The following EXOC6B variants were observed in gnomAD, a reference collection of about 807,000 sequenced individuals.
EXOC6B encodes the protein SEC15 homolog B.
In EXOC6B, 54 loss-of-function variants were observed where a neutral mutation model predicts 113.5. The observed-to-expected ratio is 0.48, with a 90% CI of 0.38 to 0.60. The LOEUF is 0.60. Among genes scored for constraint, EXOC6B ranks in the 20% least tolerant of loss-of-function variants. The pLI, the probability that EXOC6B is intolerant of heterozygous loss-of-function variation, is 0.00. For missense variants in EXOC6B, 797 were observed against 977.5 expected (o/e 0.82, Z 2.46); for synonymous variants, 357 against 339.0 (o/e 1.05, Z -0.58).
At chr2:72,386,667 G>A (rs1692048125) in intron 18 of EXOC6B, among the ~76,000 whole-genome samples, 1 of 152,184 alleles carries the variant, frequency 6.6e-6, no homozygotes, top group South Asian at 2.1e-4. Flanking sequence ...TGTGTTAAGT[G>A]TGTGGGTGCA....
chr2:72,672,650 T>C (rs781707199), intron 6 of EXOC6B, among the ~76,000 whole-genome samples: 35 of 151,912 alleles, frequency 2.3e-4, no homozygotes, highest in Non-Finnish European at 4.4e-4. Flanking sequence ...TCCTGTCAGA[T>C]GCAGCTACAT....
intron 18 of EXOC6B, among the ~76,000 whole-genome samples, chr2:72,406,187 A>C (rs1270580095): frequency 6.6e-6 from 1 of 152,208 alleles, no homozygotes; most frequent in African/African-American, 2.4e-5. Flanking sequence ...ATACAGGAGC[A>C]CCCAGATTCA....
intron 20 of EXOC6B, among the ~76,000 whole-genome samples, chr2:72,231,150 A>G (rs1681595972): frequency 6.6e-6 from 1 of 152,174 alleles, no homozygotes; most frequent in Non-Finnish European, 1.5e-5. Flanking sequence ...ACCCATGAAT[A>G]TAGGCATATA....
intron 18 of EXOC6B, among the ~76,000 whole-genome samples, chr2:72,438,480 G>A (rs1696013982): frequency 6.6e-6 from 1 of 152,144 alleles, no homozygotes. Context: ...GTCGTGGCAT[G>A]TGCCTGTAGA....
chr2:72,183,368 TA>T (rs2104219503), intron 21 of EXOC6B, among the ~76,000 whole-genome samples: 1 of 152,316 alleles, frequency 6.6e-6, no homozygotes, highest in East Asian at 1.9e-4. Context: ...CTGTAATACA[TA>T]GCATTTCCCA....
At chr2:72,800,089 T>A (rs1189436151) in intron 1 of EXOC6B, among the ~76,000 whole-genome samples, 5 of 152,014 alleles carry the variant, frequency 3.3e-5, no homozygotes, top group African/African-American at 1.2e-4. Flanking sequence ...ACACAGGCAT[T>A]AAAAATTGCC....
intron 1 of EXOC6B, among the ~76,000 whole-genome samples, chr2:72,779,517 G>A (rs1213143909): frequency 1.3e-5 from 2 of 152,104 alleles, no homozygotes; most frequent in East Asian, 3.9e-4. Flanking sequence ...GAATAGTTTT[G>A]CTCCGCTTTA....
At chr2:72,394,016 G>A (rs933761632) in intron 18 of EXOC6B, among the ~76,000 whole-genome samples, 3 of 152,064 alleles carry the variant, frequency 2.0e-5, no homozygotes, top group African/African-American at 7.2e-5. Context: ...TTTAACCTTT[G>A]TCTCAATTTC....
chr2:72,736,810 G>A (rs534381452), intron 2 of EXOC6B, among the ~76,000 whole-genome samples: 2 of 152,264 alleles, frequency 1.3e-5, no homozygotes, highest in African/African-American at 2.4e-5. Flanking sequence ...AAGGAGCTAT[G>A]GGAGAAGTGT....
At chr2:72,453,406 CCAA>C (rs760438918) in intron 18 of EXOC6B, among the ~76,000 whole-genome samples, 12 of 151,944 alleles carry the variant, frequency 7.9e-5, no homozygotes, top group Non-Finnish European at 1.5e-4. Flanking sequence ...TTTTAAAATG[CCAA>C]CAACAATTTT....
chr2:72,811,461 G>C (rs1029703828), intron 1 of EXOC6B, among the ~76,000 whole-genome samples: 8 of 152,170 alleles, frequency 5.3e-5, no homozygotes, highest in Non-Finnish European at 8.8e-5. Flanking sequence ...AGCCTAGAAG[G>C]CTTCATTGAA....
At chr2:72,523,592 C>A (rs1200489318) in intron 8 of EXOC6B, among the ~76,000 whole-genome samples, 1 of 152,008 alleles carries the variant, frequency 6.6e-6, no homozygotes. Flanking sequence ...TCCTGGCTAA[C>A]ACGGTGAAAC....
chr2:72,357,591 C>T (rs1006241282), intron 19 of EXOC6B, among the ~76,000 whole-genome samples: 3 of 151,834 alleles, frequency 2.0e-5, no homozygotes, highest in African/African-American at 7.3e-5. Flanking sequence ...ACTTAGGAGG[C>T]TGAAGCAGAA....
intron 6 of EXOC6B, among the ~76,000 whole-genome samples, chr2:72,580,774 A>G (rs1705172734): frequency 6.6e-6 from 1 of 152,182 alleles, no homozygotes; most frequent in Admixed American, 6.5e-5. Context: ...GTGGAACCCC[A>G]CAAGAAGTAC....
At chr2:72,227,127 A>T (rs1299886459) in intron 20 of EXOC6B, among the ~76,000 whole-genome samples, 1 of 152,220 alleles carries the variant, frequency 6.6e-6, no homozygotes, top group Non-Finnish European at 1.5e-5. Flanking sequence ...AGATGTTAAA[A>T]AGGAAAATAT....
At chr2:72,805,274 A>C (rs1311620743) in intron 1 of EXOC6B, among the ~76,000 whole-genome samples, 1 of 152,136 alleles carries the variant, frequency 6.6e-6, no homozygotes, top group Non-Finnish European at 1.5e-5. Context: ...ACTTATAATA[A>C]ATTTCTGACT....
rs548721915 is a variant in EXOC6B at position 72,480,426 on chromosome 2, T to C, written c.1800+190A>G. 2.0e-5 allele frequency among the ~76,000 whole-genome samples: 3 copies of C among 152,304 alleles called. No homozygotes were observed. The South Asian group carries it at 6.2e-4, about 32-fold the overall frequency. On this transcript the variant is annotated intron_variant, in intron 17 of 21. Transcript: ENST00000272427. Reference sequence around the variant, plus strand: ...TTGTTTCATTTTGTTTCGTTTTGTTTAAACACCCAAAAACTCGCACTGGTA... The same window carrying C: ...TTGTTTCATTTTGTTTCGTTTTGTTCAAACACCCAAAAACTCGCACTGGTA...
intron 1 of EXOC6B, among the ~76,000 whole-genome samples, chr2:72,823,197 TA>T (rs893373807): frequency 1.6e-5 from 2 of 128,638 alleles, no homozygotes; most frequent in African/African-American, 3.0e-5. Context: ...GATGAGCCCA[TA>T]ATAATCATAT....
chr2:72,231,655 A>T (rs2104467999), intron 20 of EXOC6B, among the ~76,000 whole-genome samples: 1 of 152,312 alleles, frequency 6.6e-6, no homozygotes, highest in East Asian at 1.9e-4. Context: ...CCCATGAAAC[A>T]TGGGCAAAGG....
Sources: allele counts gnomAD v4.1 joint callset (sites outside exome capture counted in the v4.1 genomes callset), GRCh38; gene constraint gnomAD v4.1.1; transcripts MANE v1.5; gene names NCBI Gene and HGNC (gene_info 2026-07-23, HGNC 2026-07-21).